NR2F1-AS1: variants seen among roughly 807,000 people sequenced by gnomAD.
NR2F1-AS1 encodes the protein NR2F1 antisense RNA 1.
At chr5:93,410,926 A>AC (rs1243633455) in intron 4 of NR2F1-AS1, 5 of 152,066 alleles carry the variant, frequency 3.3e-5, no homozygotes, top group African/African-American at 1.2e-4. Context: ...CCCAACAACA[A>AC]AAAAAAGGAT....
At chr5:93,494,100 C>T (rs2149881875) in intron 4 of NR2F1-AS1, among the ~76,000 whole-genome samples, 1 of 152,144 alleles carries the variant, frequency 6.6e-6, no homozygotes, top group South Asian at 2.1e-4. Flanking sequence ...TTAAATTATA[C>T]CTGATAAAGG....
chr5:93,487,414 T>C (rs2149878267), intron 4 of NR2F1-AS1, among the ~76,000 whole-genome samples: 1 of 152,250 alleles, frequency 6.6e-6, no homozygotes, highest in South Asian at 2.1e-4. Flanking sequence ...GGATACAAAA[T>C]CAATGTGCAA....
At chr5:93,473,938 A>G (rs1215532972) in intron 4 of NR2F1-AS1, among the ~76,000 whole-genome samples, 1 of 152,048 alleles carries the variant, frequency 6.6e-6, no homozygotes. Flanking sequence ...TAAAAATATC[A>G]GTATCCTTTA....
intron 4 of NR2F1-AS1, among the ~76,000 whole-genome samples, chr5:93,452,750 A>C (rs899860755): frequency 3.9e-5 from 6 of 152,222 alleles, no homozygotes; most frequent in Admixed American, 3.9e-4. Flanking sequence ...TAGAGTTAGC[A>C]GTAAGGCTAA....
At chr5:93,581,716 CTCTCTCTCTCTCT>C (rs1753048761), upstream of NR2F1-AS1, among the ~76,000 whole-genome samples, 1 of 69,048 alleles carries the variant, frequency 1.4e-5, no homozygotes, top group Non-Finnish European at 2.8e-5. Context: ...CTCTCTCTCT[CTCTCTCTCTCTCT>C]CTCTCCCCCT....
At chr5:93,418,884 CA>C (rs1318658654) in intron 4 of NR2F1-AS1, among the ~76,000 whole-genome samples, 2 of 152,142 alleles carry the variant, frequency 1.3e-5, no homozygotes, top group Non-Finnish European at 1.5e-5. Flanking sequence ...CTGGACTATT[CA>C]ATGTCATAGC....
chr5:93,440,210 TCTCTCTCTCA>T (rs1217098818), intron 4 of NR2F1-AS1, among the ~76,000 whole-genome samples: 10 of 150,802 alleles, frequency 6.6e-5, no homozygotes, highest in African/African-American at 2.5e-4. Flanking sequence ...TCTCTCTCTC[TCTCTCTCTCA>T]CACACACACA....
At chr5:93,580,023 C>A (rs1467608041) in intron 1 of NR2F1-AS1, among the ~76,000 whole-genome samples, 1 of 152,228 alleles carries the variant, frequency 6.6e-6, no homozygotes, top group Non-Finnish European at 1.5e-5. Context: ...CCAGGCAAGG[C>A]GCGGGCACAA....
At chr5:93,487,130 A>T (rs1317850409) in intron 4 of NR2F1-AS1, among the ~76,000 whole-genome samples, 1 of 152,190 alleles carries the variant, frequency 6.6e-6, no homozygotes, top group East Asian at 1.9e-4. Flanking sequence ...ACAAACCCAC[A>T]GCCAATATCA....
intron 4 of NR2F1-AS1, among the ~76,000 whole-genome samples, chr5:93,459,154 T>G (rs1249352960): frequency 6.6e-6 from 1 of 152,192 alleles, no homozygotes; most frequent in Non-Finnish European, 1.5e-5. Flanking sequence ...ATAACTCAAT[T>G]TTTTAAAATA....
intron 4 of NR2F1-AS1, among the ~76,000 whole-genome samples, chr5:93,440,091 A>T (rs935307013): frequency 3.3e-5 from 5 of 152,186 alleles, no homozygotes; most frequent in Non-Finnish European, 7.4e-5. Context: ...CAATCTTTTT[A>T]AAAAGGAGGA....
upstream of NR2F1-AS1, chr5:93,583,193 AT>A (rs1753154316): frequency 6.6e-6 from 1 of 152,172 alleles, no homozygotes; most frequent in African/African-American, 2.4e-5. Flanking sequence ...AGTTCACTAT[AT>A]ACAGACATTC....
intron 3 of NR2F1-AS1, among the ~76,000 whole-genome samples, chr5:93,554,246 A>T (rs1030576227): frequency 1.3e-5 from 2 of 152,198 alleles, no homozygotes; most frequent in African/African-American, 4.8e-5. Context: ...TAACTGAGGA[A>T]ATTACAGAAT....
At chr5:93,466,167 A>G (rs1580249953) in intron 4 of NR2F1-AS1, among the ~76,000 whole-genome samples, 1 of 152,242 alleles carries the variant, frequency 6.6e-6, no homozygotes, top group East Asian at 1.9e-4. Context: ...CCTTCGCAAC[A>G]GAATGAAGAC....
At chr5:93,458,049 T>C (rs1749991712) in intron 4 of NR2F1-AS1, among the ~76,000 whole-genome samples, 1 of 152,156 alleles carries the variant, frequency 6.6e-6, no homozygotes, top group Admixed American at 6.6e-5. Context: ...AGCACCCACG[T>C]TGGGCACCAA....
intron 1 of NR2F1-AS1, chr5:93,569,897 C>G (rs1249775399): frequency 3.9e-5 from 6 of 152,216 alleles, no homozygotes; most frequent in African/African-American, 1.4e-4. Context: ...TACCTGCTCA[C>G]ACTTGCAGCG....
At chr5:93,517,823 A>G (rs1751427345) in intron 4 of NR2F1-AS1, among the ~76,000 whole-genome samples, 1 of 152,144 alleles carries the variant, frequency 6.6e-6, no homozygotes, top group African/African-American at 2.4e-5. Flanking sequence ...CTTTTATGCC[A>G]TATTCTAGGG....
chr5:93,443,010 A>G (rs994843779), intron 4 of NR2F1-AS1, among the ~76,000 whole-genome samples: 6 of 152,224 alleles, frequency 3.9e-5, no homozygotes, highest in Non-Finnish European at 8.8e-5. Flanking sequence ...TAACAAACAG[A>G]AAGGACGTCC....
chr5:93,486,213 T>G (rs1330295543), intron 4 of NR2F1-AS1, among the ~76,000 whole-genome samples: 1 of 149,966 alleles, frequency 6.7e-6, no homozygotes, highest in Non-Finnish European at 1.5e-5. Flanking sequence ...TGTATACATA[T>G]GTAACTAACC....
Sources: gnomAD v4.1 joint callset for allele counts (sites outside exome capture counted in the v4.1 genomes callset) on GRCh38, gnomAD v4.1.1 for gene constraint, MANE v1.5 for transcripts, NCBI Gene and HGNC (gene_info 2026-07-23, HGNC 2026-07-21) for gene names.